Variants in TNS2 observed in about 807,000 individuals in gnomAD.
TNS2 encodes the protein tensin-2.
TNS2 carries 77 observed loss-of-function variants against 155.7 expected under a neutral mutation model. The observed-to-expected ratio is 0.49, with a 90% confidence interval of 0.41 to 0.60. The LOEUF (loss-of-function observed/expected upper bound fraction) is 0.60, where lower values mean the gene tolerates loss of function less well. TNS2 is among the 20% of genes least tolerant of loss of function. TNS2 has a pLI of 0.00. For synonymous variants in TNS2, 726 were observed against 763.9 expected (o/e 0.95, Z 0.82); for missense variants, 1,703 against 1,868.8 (o/e 0.91, Z 1.64).
At chr12:53,049,173 G>C (rs574193465), upstream of TNS2, 13 of 1,586,020 alleles carry the variant, frequency 8.2e-6, no homozygotes, top group African/African-American at 1.1e-4. Flanking sequence ...GTGTTGGGAG[G>C]GGGGACCTCC....
chr12:53,055,076 G>A (rs896249595), intron 7 of TNS2, 110 bp from the exon 8 acceptor site: 25 of 1,303,188 alleles, frequency 1.9e-5, no homozygotes, highest in Non-Finnish European at 2.7e-5. Context: ...GAGTTACTGC[G>A]ACCGGCCTGC....
At position 53,058,422 on chromosome 12, in the gene TNS2, A is replaced by G; in HGVS notation, c.1202A>G (p.Asp401Gly). 1 of 1,614,106 alleles carries G rather than the reference A, an allele frequency of 6.2e-7. No homozygotes were observed. Residue 401 changes from aspartate (D) to glycine (G), a missense_variant, in exon 15 of 29, where the codon GAC becomes GGC. By Grantham distance (94) the Asp-to-Gly change is moderately conservative. Transcript: ENST00000314250. ...GGACCACAGCTCACTTTCCCCAAGGACCAGCTTGACGAGGCCTGGACTGGT... is the reference window on the plus strand; with the variant it reads ...GGACCACAGCTCACTTTCCCCAAGGGCCAGCTTGACGAGGCCTGGACTGGT... Reference protein sequence around the residue: ...IHGPQLTFPKDQLDEAWTDER... With the variant: ...IHGPQLTFPKGQLDEAWTDER...
Position 53,063,581 on chromosome 12 carries a change from G to A in TNS2, c.4080G>A (p.Gly1360=). Residue 1360 remains glycine, a synonymous_variant, in exon 28 of 29, where the codon GGG becomes GGA. Coordinates refer to ENST00000314250, the MANE Select transcript of TNS2 (RefSeq NM_170754.4). This position sits in a 1 kb window ranked among gnomAD's most constrained non-coding sequence, Gnocchi z 5.6. ...TCTGCAGATGGACCAACCCAGACGG[G>A]ACCACCTCCAAGTAAGCCTCCCCAC... ...PQDRRWTNPD[G]TTSKIFGFVA... 2 of 1,614,000 alleles carry A rather than the reference G, an allele frequency of 1.2e-6. No individual in the cohort carries two copies. Among genetic ancestry groups the A allele is most frequent in the Admixed American group, 3.3e-5 (2 of 60,006 alleles).
intron 8 of TNS2, 33 bp downstream of exon 8, chr12:53,055,269 C>T (rs1376207962): frequency 6.2e-7 from 1 of 1,608,570 alleles, no homozygotes; most frequent in Admixed American, 1.7e-5. Context: ...AACCATTAAA[C>T]CAAGCCACCC....
At position 53,058,891 on chromosome 12, in the gene TNS2, A is replaced by G; in HGVS notation, c.1405+64A>G. The G allele has an allele frequency of 1.9e-6, 3 of 1,584,094 alleles. No individual in the cohort carries two copies. The South Asian group carries it at 3.3e-5, about 18-fold the overall frequency. Reference sequence around the variant, plus strand: ...TGGCGGGACCCTGGGGGGTGGTGCCAGGGAGAAGCACACTCCCTCCTCCCC... The same window carrying G: ...TGGCGGGACCCTGGGGGGTGGTGCCGGGGAGAAGCACACTCCCTCCTCCCC... On this transcript the variant is annotated intron_variant, in intron 17 of 28. Transcript: ENST00000314250.
rs1944437704 is a variant in TNS2 at position 53,063,177 on chromosome 12, C to T, written c.3912C>T (p.Ser1304=). ...AVARASSAAL[S]CSPRPTPAVV... is the part of the protein sequence containing the mutation. ...CCCGGGCCAGCTCTGCAGCTCTGAGCTGTAGCCCCCGCCCGACACCAGCTG... is the reference window on the plus strand; with the variant it reads ...CCCGGGCCAGCTCTGCAGCTCTGAGTTGTAGCCCCCGCCCGACACCAGCTG... The change falls in exon 26 of 29, where the codon AGC becomes AGT. Residue 1304 remains serine (S), a synonymous_variant. Transcript: ENST00000314250. The surrounding 1 kb of genome is among the most constrained non-coding windows in gnomAD (Gnocchi z 5.6). 2 of 1,612,118 alleles carry T rather than the reference C, an allele frequency of 1.2e-6. No individual in the cohort carries two copies. Among genetic ancestry groups the T allele is most frequent in the Admixed American group, 1.7e-5 (1 of 59,874 alleles).
Position 53,054,345 on chromosome 12 carries a change from C to T in TNS2, c.426C>T (p.Ala142=), listed in dbSNP as rs751655218. ...DLTYVTERIL[A]AAFPARPDEQ... ...CCTACGTGACGGAGCGCATCTTGGC[C>T]GCCGCCTTCCCCGCGCGGCCCGATG... is the stretch of plus-strand genomic sequence containing the variant. The change falls in exon 7 of 29, where the codon GCC becomes GCT. Residue 142 remains alanine, a synonymous_variant. Coordinates refer to ENST00000314250, the MANE Select transcript of TNS2 (RefSeq NM_170754.4). 3.1e-6 allele frequency: 5 copies of T among 1,612,928 alleles called. No homozygotes were observed. The East Asian group carries it at 8.9e-5, about 29-fold the overall frequency.
chr12:53,049,278 G>A (rs765604952), upstream of TNS2: 8 of 1,587,830 alleles, frequency 5.0e-6, no homozygotes, highest in South Asian at 5.7e-5. Context: ...GTTGCCGCGG[G>A]GGGAGGGTGC....
chr12:53,061,433 A>G lies in TNS2; in HGVS notation c.3412A>G (p.Lys1138Glu). The G allele has an allele frequency of 6.2e-7, 1 of 1,613,990 alleles. No individual in the cohort carries two copies. Reference sequence around the variant, plus strand: ...TGTCAAGTTTGTCCAGGATACATCCAAGTTCTGGTACAAGCCACACCTGTC... The same window carrying G: ...TGTCAAGTTTGTCCAGGATACATCCGAGTTCTGGTACAAGCCACACCTGTC... ...SNVKFVQDTS[K>E]FWYKPHLSRD... Residue 1138 changes from lysine (K) to glutamate (E), a missense_variant, in exon 21 of 29, where the codon AAG becomes GAG. By Grantham distance (56) the Lys-to-Glu change is moderately conservative. Transcript: ENST00000314250.
intron 6 of TNS2, 85 bp from the exon 7 acceptor site, chr12:53,054,185 G>C (rs1285064835): frequency 1.3e-6 from 2 of 1,597,876 alleles, no homozygotes; most frequent in Non-Finnish European, 1.7e-6. Flanking sequence ...GGCTTCACCT[G>C]CTGCCCAACA....
In TNS2 at chr12:53,059,054, G is replaced by C. The variant is rs1165565094; in HGVS notation, c.1413G>C (p.Leu471Phe). 6.5e-7 allele frequency: 1 copy of C among 1,536,418 alleles called. No individual in the cohort carries two copies. The highest frequency in any genetic ancestry group is 1.3e-5 in the South Asian group (1 of 79,124). Residue 471 changes from leucine to phenylalanine, a missense_variant, in exon 18 of 29, where the codon TTG (leucine) becomes TTC (phenylalanine). By Grantham distance (22) the Leu-to-Phe change is conservative (BLOSUM62 0). Coordinates refer to ENST00000314250, the MANE Select transcript of TNS2 (RefSeq NM_170754.4). The surrounding 1 kb of genome is among the most constrained non-coding windows in gnomAD (Gnocchi z 4.7). ...QHHEDSVDGS[L>F]THTRGPLDGS... ...ATCCTCTTCCCCACTCAGGCTCCTT[G>C]ACCCACACCCGGGGTCCCCTGGATG...
intron 6 of TNS2, 112 bp downstream of exon 6, chr12:53,054,126 A>T: frequency 6.4e-7 from 1 of 1,560,216 alleles, no homozygotes; most frequent in Non-Finnish European, 8.8e-7. Context: ...CCCACCCCCA[A>T]AGCGGTATTC....
chr12:53,050,018 C>A, upstream of TNS2: 1 of 1,447,430 alleles, frequency 6.9e-7, no homozygotes, highest in Non-Finnish European at 9.1e-7. The surrounding 1 kb of genome is among the most constrained non-coding windows in gnomAD (Gnocchi z 4.7). Context: ...CCCTTCCCGC[C>A]TGCACTTCCC....
chr12:53,056,426 A>G (rs1944161387), intron 10 of TNS2: 1 of 153,778 alleles, frequency 6.5e-6, no homozygotes, highest in Admixed American at 6.4e-5. Context: ...TCTGGAGGCC[A>G]GAAGCCCCAA....
Position 53,061,071 on chromosome 12 carries a change from T to A in TNS2, c.3165T>A (p.Pro1055=). ...SPEPPQSSPT[P]AFPLAASYDT... ...AGCCGCCTCAGAGCTCACCTACACC[T>A]GCTTTCCCCCTGGCTGCCTCCTATG... is the stretch of plus-strand genomic sequence containing the variant. The change falls in exon 20 of 29, where the codon CCT becomes CCA. Residue 1055 remains proline, a synonymous_variant. Transcript: ENST00000314250. 1 of 1,612,566 alleles carries A rather than the reference T, an allele frequency of 6.2e-7. No homozygotes were observed. Among genetic ancestry groups the A allele is most frequent in the Non-Finnish European group, 8.5e-7 (1 of 1,179,440 alleles).
chr12:53,049,894 T>TAGGGGGAGC, upstream of TNS2: 1 of 544,030 alleles, frequency 1.8e-6, no homozygotes, highest in Non-Finnish European at 3.1e-6. Flanking sequence ...GTTGGGGGAG[T>TAGGGGGAGC]AGGGGGAGCA....
At position 53,063,046 on chromosome 12, in the gene TNS2, G is replaced by T; in HGVS notation, c.3824-43G>T. Reference sequence around the variant, plus strand: ...GTGCAAGAGCTGGTGGGGGTGGCTAGGGGATGGGCACTCCCTCCCTGACCC... The same window carrying T: ...GTGCAAGAGCTGGTGGGGGTGGCTATGGGATGGGCACTCCCTCCCTGACCC... On this transcript the variant is annotated intron_variant, in intron 25 of 28. Transcript: ENST00000314250. This position sits in a 1 kb window ranked among gnomAD's most constrained non-coding sequence, Gnocchi z 5.6. 2 of 1,506,410 alleles carry T rather than the reference G, an allele frequency of 1.3e-6. No homozygotes were observed. Among genetic ancestry groups the T allele is most frequent in the South Asian group, 1.3e-5 (1 of 74,880 alleles). The allele number at this position is 1,506,410 out of a possible 1,614,324, so 93.3% of individuals were successfully genotyped here. A position where few individuals can be genotyped will look rare whatever the true frequency, so the allele number is the denominator to read the frequency against.
At chr12:53,055,755 C>G in intron 9 of TNS2, 26 bp from the exon 10 acceptor site, 1 of 1,614,228 alleles carries the variant, frequency 6.2e-7, no homozygotes, top group South Asian at 1.1e-5. Flanking sequence ...CTCCCAGACC[C>G]TCATCCCTGT....
In TNS2 at chr12:53,057,202, G is replaced by A. The variant is rs754163345; in HGVS notation, c.845+106G>A. The A allele has an allele frequency of 2.3e-5, 28 of 1,243,234 alleles. 1 individual carries two copies. The South Asian group carries it at 2.6e-4, about 12-fold the overall frequency. 77.0% of individuals were successfully genotyped at this position (1,243,234 alleles called of 1,614,324 possible). A position where few individuals can be genotyped will look rare whatever the true frequency, so the allele number is the denominator to read the frequency against. On this transcript the variant is annotated intron_variant, in intron 11 of 28. Transcript: ENST00000314250. ...CACACTTTCACTGAGTGTGCCAAGC[G>A]CCGTGCCAGGTGCTGAGAATTCAAA...
Sources: gnomAD v4.1 joint callset for allele counts on GRCh38, gnomAD v4.1.1 for gene constraint, Gnocchi (gnomAD v3.1) non-coding constraint, MANE v1.5 for transcripts, NCBI Gene and HGNC (gene_info 2026-07-23, HGNC 2026-07-21) for gene names.